ETV5: variants seen among roughly 807,000 people sequenced by gnomAD.
The protein encoded by ETV5 is ETS variant transcription factor 5, also known as ETS translocation variant 5.
In ETV5, 10 loss-of-function variants were observed where a neutral mutation model predicts 70.0. The ratio of observed to expected loss-of-function variants is 0.14; its 90% CI spans 0.09 to 0.24. ETV5 has a LOEUF of 0.24. Ranked by LOEUF, ETV5 falls within the 10% of genes least tolerant of loss-of-function variation. The pLI is 1.00. For synonymous variants in ETV5, 216 were observed against 242.2 expected (o/e 0.89, Z 1.01); for missense variants, 453 against 651.2 (o/e 0.70, Z 3.31).
chr3:186,087,854 A>G (rs964755364), intron 5 of ETV5, among the ~76,000 whole-genome samples: 6 of 151,324 alleles, frequency 4.0e-5, no homozygotes, highest in African/African-American at 1.5e-4. Context: ...TTTTTTTTTA[A>G]GAAAGACGAA....
intron 7 of ETV5, among the ~76,000 whole-genome samples, chr3:186,074,823 TG>T (rs1713738836): frequency 7.7e-6 from 1 of 129,816 alleles, no homozygotes; most frequent in Non-Finnish European, 1.5e-5. Flanking sequence ...ATGGCGCCAC[TG>T]CACTCCAGCC....
chr3:186,097,344 CCT>C (rs373491403), intron 5 of ETV5, among the ~76,000 whole-genome samples: 64 of 152,222 alleles, frequency 4.2e-4, no homozygotes, highest in African/African-American at 1.2e-3. Flanking sequence ...TTTGTCTCCC[CCT>C]GTGTTAAAAT....
In ETV5 at chr3:186,069,501, GT is replaced by G. The variant is rs370864275; in HGVS notation, c.651-3430del. Among the ~76,000 whole-genome samples the G allele has an allele frequency of 7.6e-3, 978 of 129,364 alleles. 2 individuals are homozygous for G. The highest frequency in any genetic ancestry group is 0.011 in the South Asian group (43 of 3,998). 84.9% of individuals were successfully genotyped at this position (129,364 alleles called of 152,430 possible). A position where few individuals can be genotyped will look rare whatever the true frequency, so the allele number is the denominator to read the frequency against. ...TCTTTCAGAAAAGAGAGACGAAGTT[GT>G]TTTTTTTTTTTTTTTTTTAAAAAAA... is the stretch of plus-strand genomic sequence containing the variant. On this transcript the variant is annotated intron_variant, in intron 7 of 12. Coordinates refer to ENST00000306376, the MANE Select transcript of ETV5 (RefSeq NM_004454.3).
intron 12 of ETV5, among the ~76,000 whole-genome samples, chr3:186,049,845 G>A (rs1178250629): frequency 6.6e-6 from 1 of 152,160 alleles, no homozygotes; most frequent in African/African-American, 2.4e-5. Flanking sequence ...GTGGGAGAGT[G>A]AGGCAGGAGA....
chr3:186,108,708 C>T lies in ETV5; in HGVS notation c.-75+232G>A, dbSNP rs1031826197. Reference sequence around the variant, plus strand: ...CTCCCCCACGACGTGTGGAAAGCCGCTCTCCCCGCGCTCCGGAACCGTTAG... The same window carrying T: ...CTCCCCCACGACGTGTGGAAAGCCGTTCTCCCCGCGCTCCGGAACCGTTAG... On this transcript the variant is annotated intron_variant, in intron 1 of 12. Coordinates refer to ENST00000306376, the MANE Select transcript of ETV5 (RefSeq NM_004454.3). 18 of 1,122,822 alleles carry T rather than the reference C, an allele frequency of 1.6e-5. No homozygotes were observed. The African/African-American group carries it at 2.9e-4, about 18-fold the overall frequency. 69.6% of individuals were successfully genotyped at this position (1,122,822 alleles called of 1,614,324 possible).
intron 5 of ETV5, among the ~76,000 whole-genome samples, chr3:186,090,598 G>A (rs1365136991): frequency 1.3e-5 from 2 of 152,300 alleles, no homozygotes; most frequent in Admixed American, 6.5e-5. Context: ...GAATTTATAT[G>A]TAAAACACGT....
chr3:186,056,790 G>A (rs1713173158), intron 11 of ETV5, among the ~76,000 whole-genome samples: 1 of 152,220 alleles, frequency 6.6e-6, no homozygotes, highest in Non-Finnish European at 1.5e-5. Flanking sequence ...CCAAGAGGGA[G>A]AGCATATCCT....
rs1713205580 is a variant in ETV5 at position 186,057,882 on chromosome 3, G to A, written c.971-391C>T. Among the ~76,000 whole-genome samples the A allele has an allele frequency of 6.6e-6, 1 of 152,164 alleles. No individual in the cohort carries two copies. Among genetic ancestry groups the A allele is most frequent in the Admixed American group, 6.5e-5 (1 of 15,288 alleles). ...ATTTGGTTGATCTGTACACAGACCT[G>A]CCATTTTCCTTTTAGCTAAAATTAA... On this transcript the variant is annotated intron_variant, in intron 9 of 12. Coordinates refer to ENST00000306376, the MANE Select transcript of ETV5 (RefSeq NM_004454.3). The surrounding 1 kb of genome is among the most constrained non-coding windows in gnomAD (Gnocchi z 4.9).
chr3:186,050,685 C>T (rs937001703), intron 12 of ETV5, among the ~76,000 whole-genome samples: 2 of 152,202 alleles, frequency 1.3e-5, no homozygotes, highest in African/African-American at 4.8e-5. Context: ...GTATCAAGCA[C>T]TGAAGTTAAA....
At chr3:186,063,564 C>A (rs913846117) in intron 9 of ETV5, among the ~76,000 whole-genome samples, 1 of 152,182 alleles carries the variant, frequency 6.6e-6, no homozygotes. Context: ...ACAGCATACA[C>A]CCTTGATATA....
chr3:186,092,348 C>G (rs1714200647), intron 5 of ETV5, among the ~76,000 whole-genome samples: 1 of 152,140 alleles, frequency 6.6e-6, no homozygotes, highest in South Asian at 2.1e-4. Context: ...TAAGAGGTTG[C>G]CTGCAAAGAC....
intron 7 of ETV5, among the ~76,000 whole-genome samples, chr3:186,071,218 G>C (rs1713624511): frequency 1.3e-5 from 2 of 151,974 alleles, no homozygotes; most frequent in Admixed American, 6.6e-5. Context: ...AAGGAGAAAA[G>C]GATCTGACAG....
chr3:186,105,745 G>C lies in ETV5; in HGVS notation c.46-33C>G. On this transcript the variant is annotated intron_variant, in intron 2 of 12. Coordinates refer to ENST00000306376, the MANE Select transcript of ETV5 (RefSeq NM_004454.3). The surrounding 1 kb of genome is among the most constrained non-coding windows in gnomAD (Gnocchi z 4.5). ...AGGCCAACAGAAAGTGAAGGCTCAA[G>C]TGTAGTAAAGAGGTCCACAGGGGGA... 5.6e-6 allele frequency: 9 copies of C among 1,613,468 alleles called. 1 individual carries two copies. The highest frequency in any genetic ancestry group is 5.9e-6 in the Non-Finnish European group (7 of 1,179,382).
chr3:186,073,588 T>C (rs1240272254), intron 7 of ETV5, among the ~76,000 whole-genome samples: 4 of 152,194 alleles, frequency 2.6e-5, no homozygotes, highest in Admixed American at 2.0e-4. Context: ...AAAAATCATA[T>C]AGTCCAGGCA....
chr3:186,100,835 G>A (rs933264088), intron 5 of ETV5, among the ~76,000 whole-genome samples: 1 of 152,134 alleles, frequency 6.6e-6, no homozygotes, highest in South Asian at 2.1e-4. Flanking sequence ...AAATATCTTA[G>A]TTATTCAAGA....
At chr3:186,050,529 G>A (rs1015465000) in intron 12 of ETV5, among the ~76,000 whole-genome samples, 2 of 152,132 alleles carry the variant, frequency 1.3e-5, no homozygotes, top group Non-Finnish European at 2.9e-5. Context: ...GGCTGCTGAT[G>A]GGTATGGCGT....
At position 186,047,864 on chromosome 3, in the gene ETV5, CA is replaced by C. The variant is rs1712919029; in HGVS notation, c.*774del. ...CAGTTTATAAACTGTTTTTCCAAAA[CA>C]ACCACCAAAACAAAACAATCCCCCA... On this transcript the variant is annotated 3_prime_UTR_variant, in exon 13 of 13. Coordinates refer to ENST00000306376, the MANE Select transcript of ETV5 (RefSeq NM_004454.3). The C allele has an allele frequency of 4.3e-6, 1 of 233,522 alleles. No homozygotes were observed. Among genetic ancestry groups the C allele is most frequent in the East Asian group, 6.0e-5 (1 of 16,586 alleles). The allele number at this position is 233,522 out of a possible 1,614,324, so 14.5% of individuals were successfully genotyped here. A position where few individuals can be genotyped will look rare whatever the true frequency, so the allele number is the denominator to read the frequency against.
At chr3:186,079,081 C>A in intron 7 of ETV5, 3 of 1,065,108 alleles carry the variant, frequency 2.8e-6, no homozygotes, top group Non-Finnish European at 3.4e-6. Flanking sequence ...AACTACCCCC[C>A]TATCCCAGAG....
intron 12 of ETV5, 107 bp from the exon 13 acceptor site, chr3:186,048,967 C>A: frequency 2.4e-6 from 2 of 846,058 alleles, no homozygotes; most frequent in Non-Finnish European, 3.8e-6. Flanking sequence ...AAAGGAGCAG[C>A]CGATTACCCC....
Sources: gnomAD v4.1 joint callset for allele counts (sites outside exome capture counted in the v4.1 genomes callset) on GRCh38, gnomAD v4.1.1 for gene constraint, Gnocchi (gnomAD v3.1) non-coding constraint, MANE v1.5 for transcripts, NCBI Gene and HGNC (gene_info 2026-07-23, HGNC 2026-07-21) for gene names.